MAP6: variants seen among roughly 807,000 people sequenced by gnomAD.
MAP6 encodes microtubule associated protein 6.
A neutral mutation model predicts 42.4 loss-of-function variants in MAP6; 26 were observed. The observed-to-expected ratio is 0.61, with a 90% CI of 0.45 to 0.85. The LOEUF is 0.85. Ranked by LOEUF, MAP6 falls within the 40% of genes least tolerant of loss-of-function variation. The pLI is 0.00. For synonymous variants in MAP6, 418 were observed against 443.8 expected (o/e 0.94, Z 0.73); for missense variants, 966 against 1,099.0 (o/e 0.88, Z 1.71).
At chr11:75,650,693 C>T (rs1943632541) in intron 1 of MAP6, among the ~76,000 whole-genome samples, 1 of 152,148 alleles carries the variant, frequency 6.6e-6, no homozygotes, top group African/African-American at 2.4e-5. Context: ...TGGCATGTAT[C>T]ATACTGCCCT....
At chr11:75,648,640 T>C (rs766309652) in intron 1 of MAP6, among the ~76,000 whole-genome samples, 2 of 152,054 alleles carry the variant, frequency 1.3e-5, no homozygotes, top group Non-Finnish European at 2.9e-5. Flanking sequence ...CTGAATACAC[T>C]AAAATGAAAA....
chr11:75,617,765 G>T (rs897492327), intron 1 of MAP6, among the ~76,000 whole-genome samples: 1 of 152,090 alleles, frequency 6.6e-6, no homozygotes, highest in African/African-American at 2.4e-5. Context: ...TAGGTTGTAA[G>T]AAAACTTCCC....
At chr11:75,644,975 T>C (rs939160083) in intron 1 of MAP6, among the ~76,000 whole-genome samples, 4 of 152,182 alleles carry the variant, frequency 2.6e-5, no homozygotes, top group Non-Finnish European at 5.9e-5. Flanking sequence ...GAAATACCTC[T>C]GGAACTGGTC....
At chr11:75,611,532 C>G (rs544069303) in intron 1 of MAP6, among the ~76,000 whole-genome samples, 1 of 152,308 alleles carries the variant, frequency 6.6e-6, no homozygotes, top group East Asian at 1.9e-4. Context: ...AGGATAGGTT[C>G]ACTGTAATTA....
At chr11:75,656,128 C>T (rs1034383446) in intron 1 of MAP6, among the ~76,000 whole-genome samples, 1 of 152,148 alleles carries the variant, frequency 6.6e-6, no homozygotes, top group African/African-American at 2.4e-5. Context: ...TCCTTAAGGG[C>T]TAGGAGGCTT....
At chr11:75,604,825 G>A (rs1442131245) in intron 3 of MAP6, 17 of 985,352 alleles carry the variant, frequency 1.7e-5, no homozygotes, top group Non-Finnish European at 2.0e-5. Context: ...CCTGAGGCCT[G>A]GCACCGCTGC....
In MAP6 at chr11:75,667,692, C is replaced by T; in HGVS notation, c.678G>A (p.Ala226=). ...CGTCCGCCCCGGACGCCTTTCCGGC[C>T]GCCAGGCCACCCGCTCCGCCGGGGG... ...EAAPGGAGGL[A]AGKASGADER... The change falls in exon 1 of 4, where the codon GCG becomes GCA. Residue 226 remains alanine (A), a synonymous_variant. Transcript: ENST00000304771. This position sits in a 1 kb window ranked among gnomAD's most constrained non-coding sequence, Gnocchi z 5.6. 7.8e-7 allele frequency: 1 copy of T among 1,277,818 alleles called. No individual in the cohort carries two copies. The highest frequency in any genetic ancestry group is 9.8e-7 in the Non-Finnish European group (1 of 1,016,182). The allele number at this position is 1,277,818 out of a possible 1,614,324, so 79.2% of individuals were successfully genotyped here.
At chr11:75,626,021 C>T (rs1456433020) in intron 1 of MAP6, among the ~76,000 whole-genome samples, 1 of 152,162 alleles carries the variant, frequency 6.6e-6, no homozygotes, top group Admixed American at 6.5e-5. Flanking sequence ...CTCTCCCAGG[C>T]CCCATGCTCT....
intron 2 of MAP6, chr11:75,607,266 T>C (rs1942797369): frequency 1.5e-5 from 15 of 985,334 alleles, no homozygotes; most frequent in Non-Finnish European, 1.8e-5. Flanking sequence ...TGCAAGACTT[T>C]AGGACAAAAG....
Position 75,667,150 on chromosome 11 carries a change from G to C in MAP6, c.905+315C>G, listed in dbSNP as rs1565285431. On this transcript the variant is annotated intron_variant, in intron 1 of 3. Coordinates refer to ENST00000304771, the MANE Select transcript of MAP6 (RefSeq NM_033063.2). The surrounding 1 kb of genome is among the most constrained non-coding windows in gnomAD (Gnocchi z 5.6). ...TGGATGGGGGCACGACGGAAGCACA[G>C]CCTCTGCTGACATTGCAAAGGGTCT... is the stretch of plus-strand genomic sequence containing the variant. Among the ~76,000 whole-genome samples, 1 of 152,160 alleles carries C rather than the reference G, an allele frequency of 6.6e-6. No homozygotes were observed. Among genetic ancestry groups the C allele is most frequent in the Non-Finnish European group, 1.5e-5 (1 of 68,026 alleles).
At chr11:75,635,144 G>T (rs894061855) in intron 1 of MAP6, among the ~76,000 whole-genome samples, 4 of 152,172 alleles carry the variant, frequency 2.6e-5, no homozygotes, top group Non-Finnish European at 4.4e-5. Context: ...GCAGCCTCTG[G>T]GTTCCCCTGG....
chr11:75,651,420 C>G (rs556813534), intron 1 of MAP6, among the ~76,000 whole-genome samples: 1 of 152,312 alleles, frequency 6.6e-6, no homozygotes, highest in Non-Finnish European at 1.5e-5. Flanking sequence ...GGCGTCATAA[C>G]AGTCCCTCAT....
At chr11:75,627,153 C>T (rs570723284) in intron 1 of MAP6, among the ~76,000 whole-genome samples, 17 of 152,350 alleles carry the variant, frequency 1.1e-4, no homozygotes, top group African/African-American at 3.4e-4. Flanking sequence ...CAAAAATCAT[C>T]TTCATGCTTG....
intron 3 of MAP6, among the ~76,000 whole-genome samples, chr11:75,590,274 G>C (rs1942454088): frequency 1.3e-5 from 2 of 152,270 alleles, no homozygotes; most frequent in South Asian, 2.1e-4. Flanking sequence ...GACCTGGGTG[G>C]TGTCCTCCCA....
At chr11:75,655,271 C>T in intron 1 of MAP6, among the ~76,000 whole-genome samples, 1 of 152,132 alleles carries the variant, frequency 6.6e-6, no homozygotes, top group East Asian at 1.9e-4. Flanking sequence ...TAGTATAAGC[C>T]TCTTTCTCAA....
chr11:75,633,903 C>A (rs574493513), intron 1 of MAP6, among the ~76,000 whole-genome samples: 1 of 152,086 alleles, frequency 6.6e-6, no homozygotes, highest in Non-Finnish European at 1.5e-5. Context: ...CGATGGGGAG[C>A]GGCTGGAGGA....
At chr11:75,652,390 G>T (rs1943662361) in intron 1 of MAP6, among the ~76,000 whole-genome samples, 1 of 152,166 alleles carries the variant, frequency 6.6e-6, no homozygotes, top group South Asian at 2.1e-4. Flanking sequence ...TGTCCCTTCT[G>T]TTGGGACCTG....
chr11:75,629,990 C>T (rs903543147), intron 1 of MAP6, among the ~76,000 whole-genome samples: 1 of 152,178 alleles, frequency 6.6e-6, no homozygotes, highest in Non-Finnish European at 1.5e-5. Context: ...AAGGCTAGGA[C>T]CTACCTTAGA....
At chr11:75,664,641 T>C (rs1051696580) in intron 1 of MAP6, among the ~76,000 whole-genome samples, 3 of 152,232 alleles carry the variant, frequency 2.0e-5, no homozygotes, top group Non-Finnish European at 4.4e-5. Flanking sequence ...CTAAGCCTTC[T>C]AAGGCAACAT....
Sources: gnomAD v4.1 joint callset for allele counts (sites outside exome capture counted in the v4.1 genomes callset) on GRCh38, gnomAD v4.1.1 for gene constraint, Gnocchi (gnomAD v3.1) non-coding constraint, MANE v1.5 for transcripts, NCBI Gene and HGNC (gene_info 2026-07-23, HGNC 2026-07-21) for gene names.